WDFY1: variants seen among roughly 807,000 people sequenced by gnomAD.
The protein encoded by WDFY1 is WD repeat and FYVE domain-containing protein 1.
A neutral mutation model predicts 56.4 loss-of-function variants in WDFY1; 32 were observed. The observed-to-expected ratio is 0.57, with a 90% CI of 0.43 to 0.76. The LOEUF is 0.76. Ranked by LOEUF, WDFY1 falls within the 30% of genes least tolerant of loss-of-function variation. WDFY1 has a pLI of 0.00. For synonymous variants in WDFY1, 192 were observed against 197.3 expected, an observed-to-expected ratio of 0.97 and a Z score of 0.23; for missense variants, 480 against 545.7, an observed-to-expected ratio of 0.88 and a Z score of 1.20.
intron 3 of WDFY1, among the ~76,000 whole-genome samples, chr2:223,911,830 T>G (rs1559170009): frequency 1.3e-5 from 2 of 152,164 alleles, no homozygotes; most frequent in Non-Finnish European, 2.9e-5. Flanking sequence ...TTTTTTTTTT[T>G]TTTGAGACAT....
At chr2:223,928,583 T>C (rs755530247) in intron 1 of WDFY1, among the ~76,000 whole-genome samples, 16 of 152,218 alleles carry the variant, frequency 1.1e-4, no homozygotes, top group Non-Finnish European at 1.9e-4. Context: ...TATGTGGTTT[T>C]CAAGAGTGGC....
intron 8 of WDFY1, among the ~76,000 whole-genome samples, chr2:223,890,452 A>G (rs1375761523): frequency 6.6e-6 from 1 of 152,186 alleles, no homozygotes; most frequent in Non-Finnish European, 1.5e-5. Context: ...TGAGATAACA[A>G]ATTAAAATCA....
At chr2:223,936,248 G>A (rs1456265798) in intron 1 of WDFY1, among the ~76,000 whole-genome samples, 1 of 151,898 alleles carries the variant, frequency 6.6e-6, no homozygotes, top group Non-Finnish European at 1.5e-5. Flanking sequence ...TTTTAGTAGA[G>A]ACAGAGTTTG....
chr2:223,929,092 C>G (rs1214470246), intron 1 of WDFY1, among the ~76,000 whole-genome samples: 1 of 151,806 alleles, frequency 6.6e-6, no homozygotes, highest in Non-Finnish European at 1.5e-5. Context: ...CAAAAGGCAC[C>G]TAGCTCTTGG....
chr2:223,927,918 GGGGGGAAA>G (rs1261615568), intron 1 of WDFY1, among the ~76,000 whole-genome samples: 2 of 152,068 alleles, frequency 1.3e-5, no homozygotes, highest in Admixed American at 1.3e-4. Flanking sequence ...AAGGAGGCCT[GGGGGGAAA>G]GGGGGAAAGG....
At chr2:223,928,494 T>C (rs1279288594) in intron 1 of WDFY1, among the ~76,000 whole-genome samples, 2 of 152,158 alleles carry the variant, frequency 1.3e-5, no homozygotes, top group Non-Finnish European at 2.9e-5. Context: ...AACAGCAGGA[T>C]ACCTGCTGAC....
At chr2:223,897,390 A>ATTTT (rs1553536123) in intron 6 of WDFY1, among the ~76,000 whole-genome samples, 49 of 125,962 alleles carry the variant, frequency 3.9e-4, no homozygotes, top group Non-Finnish European at 6.9e-4. Flanking sequence ...ATATATATAT[A>ATTTT]TTTTTTAAGA....
At chr2:223,896,052 A>G (rs1693362916) in intron 6 of WDFY1, among the ~76,000 whole-genome samples, 1 of 147,724 alleles carries the variant, frequency 6.8e-6, no homozygotes, top group Non-Finnish European at 1.5e-5. Flanking sequence ...GCTACTCGGG[A>G]GGCTAAGGTG....
chr2:223,938,534 T>C (rs1002367175), intron 1 of WDFY1, among the ~76,000 whole-genome samples: 2 of 152,232 alleles, frequency 1.3e-5, no homozygotes, highest in Non-Finnish European at 2.9e-5. Flanking sequence ...CTTAAGGTAA[T>C]TATTACTTCA....
chr2:223,905,446 G>A (rs542394501), intron 4 of WDFY1, among the ~76,000 whole-genome samples: 1 of 152,238 alleles, frequency 6.6e-6, no homozygotes, highest in Admixed American at 6.5e-5. Context: ...CTTAAGGTCA[G>A]GAGTTCGAGA....
At chr2:223,898,014 C>T (rs1574764305) in intron 6 of WDFY1, among the ~76,000 whole-genome samples, 1 of 152,244 alleles carries the variant, frequency 6.6e-6, no homozygotes, top group South Asian at 2.1e-4. Flanking sequence ...TATAAATTAC[C>T]CAGTCTTAGA....
chr2:223,910,944 C>A (rs1363098263), intron 3 of WDFY1, among the ~76,000 whole-genome samples: 1 of 152,120 alleles, frequency 6.6e-6, no homozygotes, highest in East Asian at 1.9e-4. Context: ...AAAAATATGT[C>A]CATGCAAAAA....
intron 1 of WDFY1, among the ~76,000 whole-genome samples, chr2:223,919,263 C>T (rs1425225662): frequency 3.9e-5 from 6 of 152,170 alleles, no homozygotes; most frequent in East Asian, 3.9e-4. Context: ...CAGGTTGGAG[C>T]GCAGTGGCAC....
At chr2:223,917,828 T>A in intron 2 of WDFY1, 115 bp downstream of exon 2, 1 of 1,245,212 alleles carries the variant, frequency 8.0e-7, no homozygotes, top group Non-Finnish European at 1.1e-6. Context: ...CGCCTTGGCC[T>A]CTCAAAGTGC....
rs539351531 is a variant in WDFY1, at chr2:223,945,207, G to T, written c.78C>A (p.Ala26=). ...TGGGGATGAGCAGCGCGGCCGTGAC[G>T]GCGTCCTGGTGCCCCTCGATCTTGC... ...LLSKIEGHQD[A]VTAALLIPKE... The change falls in exon 1 of 12, where the codon GCC becomes GCA. Residue 26 remains alanine, a synonymous_variant. Transcript: ENST00000233055. 3.1e-6 allele frequency: 5 copies of T among 1,599,270 alleles called. No homozygotes were observed. The highest frequency in any genetic ancestry group is 1.7e-5 in the Admixed American group (1 of 59,472).
At chr2:223,923,769 A>T (rs653171) in intron 1 of WDFY1, among the ~76,000 whole-genome samples, 126,463 of 152,072 alleles carry the variant, frequency 0.83, 53,478 homozygotes, top group Non-Finnish European at 0.93. Flanking sequence ...TCAAAAAAAA[A>T]AAATAAATAA....
intron 1 of WDFY1, 110 bp downstream of exon 1, chr2:223,945,038 T>G: frequency 7.7e-7 from 1 of 1,299,800 alleles, no homozygotes. Context: ...GGTGGGGCCG[T>G]GCTGCCGGGG....
chr2:223,922,470 C>CGTTT (rs1222586685), intron 1 of WDFY1, among the ~76,000 whole-genome samples: 1 of 152,224 alleles, frequency 6.6e-6, no homozygotes, highest in Non-Finnish European at 1.5e-5. Context: ...CACCTCCAAA[C>CGTTT]ACACAGTGAC....
Position 223,878,475 on chromosome 2 carries a change from A to G in WDFY1, c.*196T>C, listed in dbSNP as rs1574754230. On this transcript the variant is annotated 3_prime_UTR_variant, in exon 12 of 12. Coordinates refer to ENST00000233055, the MANE Select transcript of WDFY1 (RefSeq NM_020830.5). ...GTCTTCAGGGAACCACTATGGACAG[A>G]CCTTTTCCATATTAGTCCCCATGGG... The G allele has an allele frequency of 1.4e-5, 8 of 552,582 alleles. No homozygotes were observed. The East Asian group carries it at 2.2e-4, about 15-fold the overall frequency. The allele number at this position is 552,582 out of a possible 1,614,324, so 34.2% of individuals were successfully genotyped here.
Sources: allele counts gnomAD v4.1 joint callset (sites outside exome capture counted in the v4.1 genomes callset), GRCh38; gene constraint gnomAD v4.1.1; transcripts MANE v1.5; gene names NCBI Gene and HGNC (gene_info 2026-07-23, HGNC 2026-07-21).